Variants in PRLR observed in about 807,000 individuals in gnomAD.
The protein encoded by PRLR is hPRL receptor.
PRLR carries 13 observed loss-of-function variants against 40.2 expected under a neutral mutation model. That is an observed-to-expected ratio of 0.32 (90% CI 0.21 to 0.51). PRLR has a LOEUF of 0.51. PRLR is among the 20% of genes least tolerant of loss of function. PRLR has a pLI of 0.97. For synonymous variants in PRLR, 269 were observed against 278.7 expected (o/e 0.97, Z 0.35); for missense variants, 656 against 747.3 (o/e 0.88, Z 1.42).
intron 1 of PRLR, among the ~76,000 whole-genome samples, chr5:35,127,864 G>A (rs1243970379): frequency 6.6e-6 from 1 of 152,182 alleles, no homozygotes; most frequent in Non-Finnish European, 1.5e-5. Context: ...GAAGAAAAAG[G>A]AGTGGAGAGT....
At position 35,064,699 on chromosome 5, in the gene PRLR, G is replaced by A; in HGVS notation, c.*390C>T. 1 of 165,936 alleles carries A rather than the reference G, an allele frequency of 6.0e-6. No homozygotes were observed. The highest frequency in any genetic ancestry group is 1.3e-5 in the Non-Finnish European group (1 of 76,072). The allele number at this position is 165,936 out of a possible 1,614,324, so 10.3% of individuals were successfully genotyped here. On this transcript the variant is annotated 3_prime_UTR_variant, in exon 10 of 10. Coordinates refer to ENST00000618457, the MANE Select transcript of PRLR (RefSeq NM_000949.7). ...CAATTTTCATGGCATTTTCCTATGTGGAAAATTTTCTTTTGTCATCTTTCT... is the reference window on the plus strand; with the variant it reads ...CAATTTTCATGGCATTTTCCTATGTAGAAAATTTTCTTTTGTCATCTTTCT...
intron 1 of PRLR, among the ~76,000 whole-genome samples, chr5:35,128,950 C>T (rs1294185989): frequency 6.6e-6 from 1 of 152,134 alleles, no homozygotes; most frequent in Non-Finnish European, 1.5e-5. Context: ...CCCTCTTTTT[C>T]CTTTCAACCC....
intron 1 of PRLR, among the ~76,000 whole-genome samples, chr5:35,228,486 C>T (rs1776609719): frequency 6.6e-6 from 1 of 152,204 alleles, no homozygotes; most frequent in East Asian, 1.9e-4. Context: ...GCTGCCTACT[C>T]ATACTATGCC....
At chr5:35,143,413 G>T (rs552736885) in intron 1 of PRLR, among the ~76,000 whole-genome samples, 1 of 152,198 alleles carries the variant, frequency 6.6e-6, no homozygotes, top group African/African-American at 2.4e-5. Context: ...TTCTGGAAAC[G>T]ATAGGTAAAT....
chr5:35,054,821 T>C (rs1230676008), downstream of PRLR, among the ~76,000 whole-genome samples: 4 of 152,350 alleles, frequency 2.6e-5, no homozygotes, highest in East Asian at 5.8e-4. Context: ...TAATTGGTCA[T>C]ATTATTTAGG....
chr5:35,068,333 G>T (rs573189827), intron 8 of PRLR, 48 bp from the exon 9 acceptor site: 1 of 1,540,616 alleles, frequency 6.5e-7, no homozygotes, highest in East Asian at 2.2e-5. Context: ...TTCTGACTTT[G>T]TAATTTTTGA....
chr5:35,193,374 A>G (rs1471003934), intron 1 of PRLR, among the ~76,000 whole-genome samples: 3 of 152,218 alleles, frequency 2.0e-5, no homozygotes, highest in African/African-American at 7.2e-5. Context: ...AAACACGGGT[A>G]AGATATGAAC....
intron 1 of PRLR, among the ~76,000 whole-genome samples, chr5:35,122,789 G>A (rs572595696): frequency 7.9e-5 from 12 of 152,334 alleles, no homozygotes; most frequent in African/African-American, 1.4e-4. Flanking sequence ...CTGAACTTGA[G>A]CAGAAGCAAG....
At chr5:35,106,675 A>C (rs1314003641) in intron 2 of PRLR, among the ~76,000 whole-genome samples, 1 of 152,176 alleles carries the variant, frequency 6.6e-6, no homozygotes, top group East Asian at 1.9e-4. Flanking sequence ...AAGAAGAGCT[A>C]CTATCCTAAA....
Position 35,065,578 on chromosome 5 carries a change from T to C in PRLR, c.1380A>G (p.Lys460=), listed in dbSNP as rs139397717. 1.5e-5 allele frequency: 25 copies of C among 1,613,946 alleles called. No homozygotes were observed. Among genetic ancestry groups the C allele is most frequent in the Non-Finnish European group, 2.0e-5 (24 of 1,180,020 alleles). The change falls in exon 10 of 10, where the codon AAA becomes AAG. Residue 460 remains lysine (K), a synonymous_variant. Coordinates refer to ENST00000618457, the MANE Select transcript of PRLR (RefSeq NM_000949.7). ...CTCTAGACTTAATGGTTTGAGAGGA[T>C]TTTAAAGCATCTTTACCTGCTTCAT... The part of the protein sequence containing the change: ...LLNEAGKDAL[K]SSQTIKSREE...
chr5:35,103,371 G>A (rs757898255), intron 2 of PRLR, among the ~76,000 whole-genome samples: 7 of 152,158 alleles, frequency 4.6e-5, no homozygotes, highest in Non-Finnish European at 8.8e-5. Context: ...CTAACTCCCC[G>A]TTGGTTGCTA....
chr5:35,168,248 C>A (rs1194172180), intron 1 of PRLR, among the ~76,000 whole-genome samples: 1 of 151,864 alleles, frequency 6.6e-6, no homozygotes, highest in African/African-American at 2.4e-5. Context: ...TAGACAAATA[C>A]ACAATCATAG....
At chr5:35,163,899 G>T (rs1774746874) in intron 1 of PRLR, among the ~76,000 whole-genome samples, 1 of 152,214 alleles carries the variant, frequency 6.6e-6, no homozygotes, top group Admixed American at 6.5e-5. Flanking sequence ...GTGACAAATA[G>T]ATGGACTTGG....
At chr5:35,172,689 C>A (rs1279618397) in intron 1 of PRLR, among the ~76,000 whole-genome samples, 2 of 152,200 alleles carry the variant, frequency 1.3e-5, no homozygotes, top group African/African-American at 2.4e-5. Context: ...GTGGAGAAGA[C>A]AAATCCCTCC....
rs1769502381 is a variant in PRLR at position 35,068,253 on chromosome 5, C to T, written c.818G>A (p.Gly273Glu). The T allele has an allele frequency of 1.2e-6, 2 of 1,613,328 alleles. No individual in the cohort carries two copies. The highest frequency in any genetic ancestry group is 2.2e-5 in the East Asian group (1 of 44,876). The change falls in exon 9 of 10, where the codon GGG becomes GAG. Residue 273 changes from glycine to glutamate, a missense_variant. Transcript: ENST00000618457. The part of the protein sequence containing the change: ...MVTCIFPPVP[G>E]PKIKGFDAHL... Reference sequence around the variant, plus strand: ...AGCATCAAATCCTTTTATTTTTGGCCCAGGAACTGGCGGAAAGATGCAGGT... The same window carrying T: ...AGCATCAAATCCTTTTATTTTTGGCTCAGGAACTGGCGGAAAGATGCAGGT...
intron 1 of PRLR, among the ~76,000 whole-genome samples, chr5:35,192,168 A>G (rs1194150453): frequency 6.6e-6 from 1 of 152,172 alleles, no homozygotes; most frequent in Non-Finnish European, 1.5e-5. Flanking sequence ...TATTGCCAAG[A>G]CCTACTCTGT....
intron 1 of PRLR, among the ~76,000 whole-genome samples, chr5:35,208,955 T>A (rs2111633787): frequency 6.6e-6 from 1 of 152,184 alleles, no homozygotes; most frequent in African/African-American, 2.4e-5. Flanking sequence ...AATCAGTACA[T>A]CCATATGACG....
chr5:35,151,983 C>G (rs570524971), intron 1 of PRLR, among the ~76,000 whole-genome samples: 1 of 152,250 alleles, frequency 6.6e-6, no homozygotes, highest in Non-Finnish European at 1.5e-5. Context: ...TTGTTTGTTA[C>G]CACACCGTAA....
chr5:35,095,295 T>C (rs993833648), intron 2 of PRLR, among the ~76,000 whole-genome samples: 1 of 152,094 alleles, frequency 6.6e-6, no homozygotes, highest in Non-Finnish European at 1.5e-5. Context: ...CAGTCAATGA[T>C]TGTGAATAAA....
Sources: allele counts gnomAD v4.1 joint callset (sites outside exome capture counted in the v4.1 genomes callset), GRCh38; gene constraint gnomAD v4.1.1; transcripts MANE v1.5; gene names NCBI Gene and HGNC (gene_info 2026-07-23, HGNC 2026-07-21).